CABIN1: variants seen among roughly 807,000 people sequenced by gnomAD.
CABIN1 encodes calcineurin-binding protein cabin-1.
Under a neutral mutation model 227.7 loss-of-function variants are expected in CABIN1, and 133 were observed. That is an observed-to-expected ratio of 0.58 (90% CI 0.51 to 0.67). The LOEUF (loss-of-function observed/expected upper bound fraction) is 0.67. CABIN1 is among the 30% of genes least tolerant of loss of function. The pLI, the probability that CABIN1 is intolerant of heterozygous loss-of-function variation, is 0.00. For missense variants in CABIN1, 2,408 were observed against 2,852.5 expected, an observed-to-expected ratio of 0.84 and a Z score of 3.55; for synonymous variants, 1,086 against 1,155.1, an observed-to-expected ratio of 0.94 and a Z score of 1.21.
chr22:24,061,803 A>G (rs1156962546), intron 12 of CABIN1, 144 bp from the exon 13 acceptor site: 8 of 702,388 alleles, frequency 1.1e-5, no homozygotes, highest in Non-Finnish European at 2.1e-5. Context: ...GCCACTGATT[A>G]TCACTTATGA....
chr22:24,146,619 G>T (rs1232485701), intron 29 of CABIN1, among the ~76,000 whole-genome samples: 1 of 152,200 alleles, frequency 6.6e-6, no homozygotes, highest in Non-Finnish European at 1.5e-5. Flanking sequence ...CCCCTGCCCT[G>T]ACAGGACCAC....
At chr22:24,163,536 G>A (rs2046275213) in intron 29 of CABIN1, among the ~76,000 whole-genome samples, 1 of 152,216 alleles carries the variant, frequency 6.6e-6, no homozygotes, top group Non-Finnish European at 1.5e-5. Context: ...TCCATTCTGG[G>A]CAGCAGTTTC....
At chr22:24,064,233 T>G (rs775477915) in intron 15 of CABIN1, 46 bp downstream of exon 15, 9 of 1,605,724 alleles carry the variant, frequency 5.6e-6, no homozygotes, top group Non-Finnish European at 7.7e-6. Flanking sequence ...GAGATGGAGT[T>G]TCACTTTTGT....
At chr22:24,120,473 T>C (rs2043343716) in intron 28 of CABIN1, among the ~76,000 whole-genome samples, 1 of 152,114 alleles carries the variant, frequency 6.6e-6, no homozygotes, top group Non-Finnish European at 1.5e-5. Context: ...TTGGGGAGTG[T>C]CCTGGTCGTT....
Position 24,049,195 on chromosome 22 carries a change from G to A in CABIN1, c.631G>A (p.Asp211Asn). The A allele has an allele frequency of 6.2e-7, 1 of 1,614,004 alleles. No individual in the cohort carries two copies. The highest frequency in any genetic ancestry group is 8.5e-7 in the Non-Finnish European group (1 of 1,180,000). Residue 211 changes from aspartate to asparagine, a missense_variant, in exon 7 of 37, where the codon GAC becomes AAC. Coordinates refer to ENST00000263119, the MANE Select transcript of CABIN1 (RefSeq NM_012295.4). ...IFEEQPCLRKDSLRMFLKCDM... is the reference protein window; with the variant it reads ...IFEEQPCLRKNSLRMFLKCDM... ...TGAGGAGCAGCCTTGTCTCCGGAAG[G>A]ACTCTCTCAGAATGTTCCTCAAATG...
chr22:24,177,875 G>A lies in CABIN1; in HGVS notation c.6519+58G>A, dbSNP rs1422684312. 7 of 1,566,670 alleles carry A rather than the reference G, an allele frequency of 4.5e-6. No homozygotes were observed. The highest frequency in any genetic ancestry group is 5.2e-6 in the Non-Finnish European group (6 of 1,148,136). ...GGGTGGGAGGCATAGGTTACAAAGG[G>A]GGCCTAGGATGGGGGTGGGGGTGGC... On this transcript the variant is annotated intron_variant, in intron 36 of 36. Transcript: ENST00000263119. The surrounding 1 kb of genome is among the most constrained non-coding windows in gnomAD (Gnocchi z 4.4).
In CABIN1 at chr22:24,038,418, C is replaced by T. The variant is rs750502889; in HGVS notation, c.167C>T (p.Ala56Val). 2 of 1,614,024 alleles carry T rather than the reference C, an allele frequency of 1.2e-6. No individual in the cohort carries two copies. The highest frequency in any genetic ancestry group is 1.7e-6 in the Non-Finnish European group (2 of 1,179,982). The change falls in exon 4 of 37, where the codon GCC (alanine) becomes GTC (valine). Residue 56 changes from alanine to valine, a missense_variant. Ala to Val is a moderately conservative substitution (Grantham distance 64). Around this residue, in one of 3 missense-constraint regions of CABIN1, gnomAD observed 1,045 missense variants for 1,168.4 expected, o/e 0.89. Coordinates refer to ENST00000263119, the MANE Select transcript of CABIN1 (RefSeq NM_012295.4). ...LQKHDRFEES[A>V]KAYHELLEAS... is the part of the protein sequence containing the mutation. ...AAACATGACCGGTTTGAGGAGTCTG[C>T]CAAAGCCTACCATGAGCTCTTGGAG...
intron 34 of CABIN1, 69 bp downstream of exon 34, chr22:24,172,064 G>A: frequency 3.3e-6 from 5 of 1,536,758 alleles, no homozygotes; most frequent in Admixed American, 3.8e-5. Flanking sequence ...TGCGGGGAGA[G>A]TGTGAGTATG....
In CABIN1 at chr22:24,095,986, G is replaced by T. The variant is rs1475407012; in HGVS notation, c.3842G>T (p.Gly1281Val). 1 of 1,614,084 alleles carries T rather than the reference G, an allele frequency of 6.2e-7. No individual in the cohort carries two copies. Among genetic ancestry groups the T allele is most frequent in the East Asian group, 2.2e-5 (1 of 44,866 alleles). Residue 1281 changes from glycine (G) to valine (V), a missense_variant, in exon 25 of 37, where the codon GGG becomes GTG. Physicochemically the swap from Gly to Val is moderately radical, Grantham distance 109 (BLOSUM62 -3). This residue lies in a region of CABIN1 where 649 missense variants were observed against 910.3 expected (regional missense o/e 0.71). Coordinates refer to ENST00000263119, the MANE Select transcript of CABIN1 (RefSeq NM_012295.4). ...ILKLLGKPDS[G>V]VGAEVLVNFM... ...AAGCTCCTGGGGAAGCCCGATTCTG[G>T]GGTTGGTGCAGAGGTCCTGGTCAAC...
At chr22:24,063,873 C>G (rs557762314) in intron 14 of CABIN1, among the ~76,000 whole-genome samples, 162 bp from the exon 15 acceptor site, 2 of 152,292 alleles carry the variant, frequency 1.3e-5, no homozygotes, top group Non-Finnish European at 1.5e-5. Context: ...ATTTATTGAG[C>G]CCAAGCTACA....
At chr22:24,062,755 AG>A (rs1245707555) in intron 13 of CABIN1, among the ~76,000 whole-genome samples, 1 of 152,090 alleles carries the variant, frequency 6.6e-6, no homozygotes, top group African/African-American at 2.4e-5. Context: ...GACTCTCGGC[AG>A]GGGGCAGGGT....
chr22:24,178,146 T>C lies in CABIN1; in HGVS notation c.6613T>C (p.Ser2205Pro), dbSNP rs762910490. ...LEVLETSSQE[S>P]SLESETDEDD... ...GGTCCTGGAGACATCCAGCCAGGAG[T>C]CCTCGCTGGAGAGCGAGACAGACGA... Residue 2205 changes from serine to proline, a missense_variant, in exon 37 of 37, where the codon TCC becomes CCC. Coordinates refer to ENST00000263119, the MANE Select transcript of CABIN1 (RefSeq NM_012295.4). 3.1e-6 allele frequency: 5 copies of C among 1,613,248 alleles called. No homozygotes were observed. In the Admixed American group the frequency reaches 8.3e-5, roughly 27 times the overall value.
chr22:24,049,692 C>A (rs955169743), intron 7 of CABIN1, among the ~76,000 whole-genome samples: 1 of 152,214 alleles, frequency 6.6e-6, no homozygotes, highest in Non-Finnish European at 1.5e-5. Flanking sequence ...AGTTCTCCCA[C>A]GTCACCTCCT....
At chr22:24,065,270 G>C (rs1395358461) in intron 15 of CABIN1, among the ~76,000 whole-genome samples, 1 of 151,222 alleles carries the variant, frequency 6.6e-6, no homozygotes, top group African/African-American at 2.4e-5. Context: ...CCAGGCGGAG[G>C]GTCTCCTCAC....
chr22:24,087,535 G>A lies in CABIN1; in HGVS notation c.3347G>A (p.Gly1116Glu). ...AACTCCAATGAGCTGAAGAGTGATG[G>A]GCCCATTTGGAAGCATGCCACGCCC... is the stretch of plus-strand genomic sequence containing the variant. ...KLNSNELKSD[G>E]PIWKHATPVL... The change falls in exon 23 of 37, where the codon GGG becomes GAG. Residue 1116 changes from glycine (G) to glutamate (E), a missense_variant. Coordinates refer to ENST00000263119, the MANE Select transcript of CABIN1 (RefSeq NM_012295.4). 1 of 1,614,204 alleles carries A rather than the reference G, an allele frequency of 6.2e-7. No individual in the cohort carries two copies. The highest frequency in any genetic ancestry group is 8.5e-7 in the Non-Finnish European group (1 of 1,180,044).
chr22:24,122,833 C>G (rs1013855607), intron 28 of CABIN1, among the ~76,000 whole-genome samples: 2 of 152,210 alleles, frequency 1.3e-5, no homozygotes, highest in African/African-American at 4.8e-5. Context: ...TGTATTTCTT[C>G]TCAACTCCAA....
Position 24,176,263 on chromosome 22 carries a change from A to C in CABIN1, c.6193A>C (p.Thr2065Pro). 2 of 1,602,206 alleles carry C rather than the reference A, an allele frequency of 1.2e-6. No individual in the cohort carries two copies. The highest frequency in any genetic ancestry group is 1.7e-6 in the Non-Finnish European group (2 of 1,176,022). Residue 2065 changes from threonine (T) to proline (P), a missense_variant, in exon 35 of 37, where the codon ACC becomes CCC. Thr to Pro is a conservative substitution (Grantham distance 38). Around this residue, in one of 3 missense-constraint regions of CABIN1, gnomAD observed 714 missense variants for 773.8 expected, o/e 0.92. Transcript: ENST00000263119. Reference sequence around the variant, plus strand: ...TGCCCTGGGCACAGGCGCTGAGCCCACCTGCAGCCAGGGTAAGGCGAGTTG... The same window carrying C: ...TGCCCTGGGCACAGGCGCTGAGCCCCCCTGCAGCCAGGGTAAGGCGAGTTG... ...EAALGTGAEPTCSQEGKLRPE... is the reference protein window; with the variant it reads ...EAALGTGAEPPCSQEGKLRPE...
intron 27 of CABIN1, among the ~76,000 whole-genome samples, chr22:24,117,549 G>A (rs575912278): frequency 6.6e-6 from 1 of 151,764 alleles, no homozygotes; most frequent in Non-Finnish European, 1.5e-5. Context: ...TTTTTTTGGG[G>A]GGGGGGTTAG....
At chr22:24,130,335 T>C (rs1228341464) in intron 28 of CABIN1, among the ~76,000 whole-genome samples, 2 of 152,242 alleles carry the variant, frequency 1.3e-5, no homozygotes, top group East Asian at 3.9e-4. Context: ...CTATAGTGGA[T>C]AGGTCAGGGG....
Sources: allele counts gnomAD v4.1 joint callset (sites outside exome capture counted in the v4.1 genomes callset), GRCh38; gene constraint gnomAD v4.1.1; regional missense constraint gnomAD v4.1.1; non-coding constraint Gnocchi (gnomAD v3.1); transcripts MANE v1.5; gene names NCBI Gene and HGNC (gene_info 2026-07-23, HGNC 2026-07-21).